ELL2: variants seen among roughly 807,000 people sequenced by gnomAD.
ELL2 encodes RNA polymerase II elongation factor ELL2.
Under a neutral mutation model 72.8 loss-of-function variants are expected in ELL2, and 21 were observed. That is an observed-to-expected ratio of 0.29 (90% CI 0.20 to 0.42). ELL2 has a LOEUF of 0.42. Among genes scored for constraint, ELL2 ranks in the 10% least tolerant of loss-of-function variants. The probability of loss-of-function intolerance (pLI) is 1.00; values close to 1 mark genes in which losing one functional copy is unlikely to be tolerated. For synonymous variants in ELL2, 266 were observed against 283.2 expected (o/e 0.94, Z 0.61); for missense variants, 568 against 772.8 (o/e 0.73, Z 3.14).
intron 5 of ELL2, 129 bp downstream of exon 5, chr5:95,906,394 T>C: frequency 1.0e-6 from 1 of 969,440 alleles, no homozygotes; most frequent in Non-Finnish European, 1.5e-6. Flanking sequence ...GTATTTCACA[T>C]ACCACTGATC....
chr5:95,898,845 T>G, intron 7 of ELL2, 35 bp from the exon 8 acceptor site: 1 of 1,453,332 alleles, frequency 6.9e-7, no homozygotes, highest in Non-Finnish European at 9.1e-7. Context: ...TGAGCCAGTT[T>G]GCACTAAAAT....
intron 1 of ELL2, among the ~76,000 whole-genome samples, chr5:95,948,447 A>AAAAAAAAAAAAAAAAAAAAAAC (rs1751257266): frequency 6.7e-6 from 1 of 150,162 alleles, no homozygotes; most frequent in African/African-American, 2.4e-5. Flanking sequence ...AAAAAAAAAA[A>AAAAAAAAAAAAAAAAAAAAAAC]AAAAAAGCCA....
At position 95,885,840 on chromosome 5, in the gene ELL2, T is replaced by C. The variant is rs902832239; in HGVS notation, c.*3031A>G. The C allele has an allele frequency of 6.6e-5, 10 of 152,190 alleles. No homozygotes were observed. Among genetic ancestry groups the C allele is most frequent in the Admixed American group, 5.2e-4 (8 of 15,282 alleles). 9.4% of individuals were successfully genotyped at this position (152,190 alleles called of 1,614,324 possible). On this transcript the variant is annotated 3_prime_UTR_variant, in exon 12 of 12. Coordinates refer to ENST00000237853, the MANE Select transcript of ELL2 (RefSeq NM_012081.6). The stretch of plus-strand genomic sequence containing the variant: ...GTGAGAACAAGTATAAAACTATCCA[T>C]TACTACCTTAAAGAGTTGAAAGTTA...
At chr5:95,908,485 T>C (rs1252192154) in intron 4 of ELL2, among the ~76,000 whole-genome samples, 2 of 152,208 alleles carry the variant, frequency 1.3e-5, no homozygotes, top group Non-Finnish European at 2.9e-5. Flanking sequence ...ATAAGCTCTA[T>C]GAGGGCAGGG....
intron 9 of ELL2, among the ~76,000 whole-genome samples, chr5:95,894,420 T>G (rs1748790901): frequency 6.6e-6 from 1 of 152,216 alleles, no homozygotes; most frequent in Non-Finnish European, 1.5e-5. Context: ...CATTGGCAGT[T>G]GCTACTCAAG....
At chr5:95,948,834 C>A (rs1751272417) in intron 1 of ELL2, among the ~76,000 whole-genome samples, 1 of 152,148 alleles carries the variant, frequency 6.6e-6, no homozygotes, top group Non-Finnish European at 1.5e-5. Context: ...CAACCAAGAA[C>A]ACAAAGGCAG....
intron 3 of ELL2, among the ~76,000 whole-genome samples, chr5:95,918,810 G>A (rs1284473725): frequency 6.6e-6 from 1 of 151,756 alleles, no homozygotes; most frequent in African/African-American, 2.4e-5. Flanking sequence ...GTTTACAGAG[G>A]ATCTAAGTAG....
chr5:95,894,071 C>T (rs767401406), intron 9 of ELL2, among the ~76,000 whole-genome samples: 2 of 152,060 alleles, frequency 1.3e-5, no homozygotes, highest in East Asian at 1.9e-4. Context: ...GCCAATATGG[C>T]GAAACGCCAT....
At chr5:95,892,331 G>A (rs1748697978) in intron 9 of ELL2, among the ~76,000 whole-genome samples, 1 of 152,084 alleles carries the variant, frequency 6.6e-6, no homozygotes, top group Non-Finnish European at 1.5e-5. Flanking sequence ...ATTTTTAGTA[G>A]AGACAGGGTT....
intron 2 of ELL2, among the ~76,000 whole-genome samples, chr5:95,938,774 A>T (rs1248555008): frequency 6.6e-6 from 1 of 152,224 alleles, no homozygotes; most frequent in African/African-American, 2.4e-5. Flanking sequence ...ACTATTTTCT[A>T]AAGCCTCTGG....
chr5:95,943,101 T>C (rs757390319), intron 1 of ELL2, 52 bp from the exon 2 acceptor site: 2 of 1,476,470 alleles, frequency 1.4e-6, no homozygotes, highest in African/African-American at 1.4e-5. Flanking sequence ...TACTGTGACA[T>C]AGAACTAAAT....
At chr5:95,917,252 T>C (rs1749847343) in intron 3 of ELL2, among the ~76,000 whole-genome samples, 1 of 152,228 alleles carries the variant, frequency 6.6e-6, no homozygotes, top group African/African-American at 2.4e-5. Flanking sequence ...GACATTGATT[T>C]CATTTTATAT....
intron 8 of ELL2, 150 bp downstream of exon 8, chr5:95,898,090 T>TAAAA (rs1748942584): frequency 2.0e-6 from 1 of 491,906 alleles, no homozygotes; most frequent in African/African-American, 4.0e-5. Flanking sequence ...TGCTGTAAAA[T>TAAAA]GAAAAAAAAA....
intron 3 of ELL2, among the ~76,000 whole-genome samples, chr5:95,916,813 GGA>G (rs566966572): frequency 6.6e-5 from 10 of 151,896 alleles, no homozygotes; most frequent in East Asian, 5.8e-4. Flanking sequence ...AGAGGAAGTG[GGA>G]GAGAGGGGGG....
intron 1 of ELL2, among the ~76,000 whole-genome samples, chr5:95,945,384 C>A (rs1751120483): frequency 6.6e-6 from 1 of 152,184 alleles, no homozygotes; most frequent in Non-Finnish European, 1.5e-5. Flanking sequence ...GATTCCAAAT[C>A]CAGATGAGGC....
intron 2 of ELL2, among the ~76,000 whole-genome samples, chr5:95,935,537 G>A (rs572565078): frequency 6.6e-6 from 1 of 152,044 alleles, no homozygotes; most frequent in South Asian, 2.1e-4. Context: ...TTCTTCTTAC[G>A]ACTAAGGTTC....
intron 2 of ELL2, 78 bp downstream of exon 2, chr5:95,942,923 TC>T: frequency 9.1e-7 from 1 of 1,103,670 alleles, no homozygotes; most frequent in African/African-American, 1.7e-5. Context: ...AATAAAAGGG[TC>T]AACTGAAAAC....
At chr5:95,910,932 A>G (rs1189555905) in intron 4 of ELL2, among the ~76,000 whole-genome samples, 2 of 152,022 alleles carry the variant, frequency 1.3e-5, no homozygotes, top group African/African-American at 4.8e-5. Context: ...ATAATTTGCT[A>G]TTTGCTGATA....
At chr5:95,935,581 G>A (rs1750745373) in intron 2 of ELL2, among the ~76,000 whole-genome samples, 1 of 152,108 alleles carries the variant, frequency 6.6e-6, no homozygotes, top group Non-Finnish European at 1.5e-5. Context: ...ATGTCCTTTG[G>A]AGTTGCTTTT....
Sources: gnomAD v4.1 joint callset for allele counts (sites outside exome capture counted in the v4.1 genomes callset) on GRCh38, gnomAD v4.1.1 for gene constraint, MANE v1.5 for transcripts, NCBI Gene and HGNC (gene_info 2026-07-23, HGNC 2026-07-21) for gene names.